GARRE1: variants seen among roughly 807,000 people sequenced by gnomAD.
GARRE1 encodes granule associated Rac and RHOG effector 1.
In GARRE1, 49 loss-of-function variants were observed where a neutral mutation model predicts 103.2. The observed-to-expected ratio is 0.47, with a 90% CI of 0.38 to 0.60. The LOEUF is 0.60. Ranked by LOEUF, GARRE1 falls within the 20% of genes least tolerant of loss-of-function variation. GARRE1 has a pLI of 0.00. For synonymous variants in GARRE1, 505 were observed against 532.8 expected, an observed-to-expected ratio of 0.95 and a Z score of 0.72; for missense variants, 1,199 against 1,370.5, an observed-to-expected ratio of 0.87 and a Z score of 1.98.
At position 34,353,942 on chromosome 19, in the gene GARRE1, C is replaced by T. The variant is rs1460648003; in HGVS notation, c.*987C>T. On this transcript the variant is annotated 3_prime_UTR_variant, in exon 14 of 14. Coordinates refer to ENST00000299505, the MANE Select transcript of GARRE1 (RefSeq NM_014686.5). ...CTTTTCTTAAAAAAAAAATCCACCTCATTTTCAGTTAACATGTGCCATTAA... is the reference window on the plus strand; with the variant it reads ...CTTTTCTTAAAAAAAAAATCCACCTTATTTTCAGTTAACATGTGCCATTAA... 6.6e-6 allele frequency: 1 copy of T among 152,554 alleles called. No individual in the cohort carries two copies. Among genetic ancestry groups the T allele is most frequent in the Non-Finnish European group, 1.5e-5 (1 of 68,036 alleles). 9.5% of individuals were successfully genotyped at this position (152,554 alleles called of 1,614,324 possible).
At chr19:34,315,782 T>C (rs2074057754) in intron 2 of GARRE1, among the ~76,000 whole-genome samples, 1 of 151,830 alleles carries the variant, frequency 6.6e-6, no homozygotes, top group South Asian at 2.1e-4. Context: ...TAAAATCTGT[T>C]TTACAATCTG....
intron 10 of GARRE1, among the ~76,000 whole-genome samples, chr19:34,346,399 A>G (rs2074211119): frequency 6.6e-6 from 1 of 152,068 alleles, no homozygotes; most frequent in Admixed American, 6.6e-5. Flanking sequence ...ATTCTTTGCC[A>G]CACTTAAGAT....
chr19:34,297,518 G>T (rs1007772371), intron 1 of GARRE1, among the ~76,000 whole-genome samples: 2 of 152,164 alleles, frequency 1.3e-5, no homozygotes, highest in Non-Finnish European at 2.9e-5. Flanking sequence ...AGGCAGCCGC[G>T]GTAGAGGAAC....
rs1346907221 is a variant in GARRE1 at position 34,327,859 on chromosome 19, G to A, written c.935G>A (p.Ser312Asn). ...CTGAATCCAAAGGCGATTGAAGCAA[G>A]TTTGCAGGTACACTTTTCCTTCCTA... ...FHLNPKAIEA[S>N]LQGCCSEAEA... Residue 312 changes from serine to asparagine, a missense_variant, in exon 5 of 14, where the codon AGT (serine) becomes AAT (asparagine). Coordinates refer to ENST00000299505, the MANE Select transcript of GARRE1 (RefSeq NM_014686.5). The A allele has an allele frequency of 6.2e-7, 1 of 1,614,084 alleles. No individual in the cohort carries two copies. The highest frequency in any genetic ancestry group is 1.3e-5 in the African/African-American group (1 of 74,946).
In GARRE1 at chr19:34,353,571, T is replaced by C. The variant is rs560428027; in HGVS notation, c.*616T>C. The C allele has an allele frequency of 1.0e-4, 16 of 152,398 alleles. No individual in the cohort carries two copies. Among genetic ancestry groups the C allele is most frequent in the African/African-American group, 3.4e-4 (14 of 41,580 alleles). The allele number at this position is 152,398 out of a possible 1,614,324, so 9.4% of individuals were successfully genotyped here. A position where few individuals can be genotyped will look rare whatever the true frequency, so the allele number is the denominator to read the frequency against. On this transcript the variant is annotated 3_prime_UTR_variant, in exon 14 of 14. Coordinates refer to ENST00000299505, the MANE Select transcript of GARRE1 (RefSeq NM_014686.5). ...TGGGCAAAATATAGAATATTTGTGA[T>C]TGGAAGCAGTCACCTGGGGTTTCTG...
At position 34,256,286 on chromosome 19, in the gene GARRE1, C is replaced by T. The variant is rs904361618; in HGVS notation, c.-796+1672C>T. Among the ~76,000 whole-genome samples, 23 of 151,224 alleles carry T rather than the reference C, an allele frequency of 1.5e-4. No homozygotes were observed. The East Asian group carries it at 3.7e-3, about 25-fold the overall frequency. ...CAGCACTTTGGGAGGCCGAGGCGGG[C>T]GGATCACTTGAGGTCAGGAGTTCTA... On this transcript the variant is annotated intron_variant, in intron 1 of 13. Transcript: ENST00000299505.
At chr19:34,345,723 G>C (rs972472340) in intron 10 of GARRE1, among the ~76,000 whole-genome samples, 1 of 152,264 alleles carries the variant, frequency 6.6e-6, no homozygotes, top group Non-Finnish European at 1.5e-5. Flanking sequence ...TTGGGAGGCT[G>C]AGGCACGAGA....
At chr19:34,282,168 C>T (rs532183971) in intron 1 of GARRE1, among the ~76,000 whole-genome samples, 30 of 152,018 alleles carry the variant, frequency 2.0e-4, no homozygotes, top group African/African-American at 6.5e-4. Flanking sequence ...TTTCTCCCCC[C>T]GAGATGGAGT....
chr19:34,302,117 A>C (rs2073982640), intron 2 of GARRE1, among the ~76,000 whole-genome samples: 1 of 147,598 alleles, frequency 6.8e-6, no homozygotes, highest in Non-Finnish European at 1.5e-5. Flanking sequence ...CAGCCTCCTG[A>C]GTAGCTGGGA....
chr19:34,266,799 A>T (rs926310618), intron 1 of GARRE1, among the ~76,000 whole-genome samples: 7 of 110,206 alleles, frequency 6.4e-5, no homozygotes, highest in Non-Finnish European at 1.4e-4. Context: ...GTTTATCTAA[A>T]ATTTATATAA....
At chr19:34,309,812 A>T (rs540732491) in intron 2 of GARRE1, among the ~76,000 whole-genome samples, 1 of 152,232 alleles carries the variant, frequency 6.6e-6, no homozygotes, top group Non-Finnish European at 1.5e-5. Flanking sequence ...GGCTTTTCGC[A>T]TGTGAAGTGG....
At chr19:34,287,016 G>A (rs2073891143) in intron 1 of GARRE1, among the ~76,000 whole-genome samples, 1 of 151,722 alleles carries the variant, frequency 6.6e-6, no homozygotes, top group Admixed American at 6.6e-5. Context: ...GCGGGCGCCT[G>A]TAGTCCCAGC....
At position 34,341,456 on chromosome 19, in the gene GARRE1, C is replaced by G; in HGVS notation, c.1522C>G (p.Gln508Glu). 1 of 1,613,592 alleles carries G rather than the reference C, an allele frequency of 6.2e-7. No homozygotes were observed. Among genetic ancestry groups the G allele is most frequent in the Non-Finnish European group, 8.5e-7 (1 of 1,179,942 alleles). Residue 508 changes from glutamine to glutamate, a missense_variant, in exon 10 of 14, where the codon CAA becomes GAA. Coordinates refer to ENST00000299505, the MANE Select transcript of GARRE1 (RefSeq NM_014686.5). The stretch of plus-strand genomic sequence containing the variant: ...TTTACCCTGCATACAGATCCAGCTG[C>G]AAAGGGAGATCTGTGATTTTGGCAA... ...QALPCIQIQLQREICDFGNQA... is the reference protein window; with the variant it reads ...QALPCIQIQLEREICDFGNQA...
At chr19:34,344,868 G>A (rs939342386) in intron 10 of GARRE1, among the ~76,000 whole-genome samples, 1 of 146,236 alleles carries the variant, frequency 6.8e-6, no homozygotes, top group Non-Finnish European at 1.5e-5. Flanking sequence ...ACGGAGTCTC[G>A]CTCTACCGCC....
At chr19:34,281,194 C>T (rs142231471) in intron 1 of GARRE1, among the ~76,000 whole-genome samples, 1 of 152,322 alleles carries the variant, frequency 6.6e-6, no homozygotes, top group East Asian at 1.9e-4. Context: ...CATGTTGGCT[C>T]ACTGCAGCCT....
chr19:34,347,982 A>G lies in GARRE1; in HGVS notation c.2627A>G (p.Asn876Ser). The change falls in exon 11 of 14, where the codon AAC (asparagine) becomes AGC (serine). Residue 876 changes from asparagine to serine, a missense_variant. Coordinates refer to ENST00000299505, the MANE Select transcript of GARRE1 (RefSeq NM_014686.5). ...CGCCGGCCAGGCAACCCCCGGGGCA[A>G]CTGGCCGCCTATGGATGACGCGCAT... ...HGRRPGNPRG[N>S]WPPMDDAHRT... The G allele has an allele frequency of 1.3e-6, 2 of 1,583,964 alleles. No individual in the cohort carries two copies. Among genetic ancestry groups the G allele is most frequent in the Non-Finnish European group, 1.7e-6 (2 of 1,163,080 alleles).
chr19:34,317,735 T>A (rs1055150700), intron 2 of GARRE1, among the ~76,000 whole-genome samples: 7 of 152,166 alleles, frequency 4.6e-5, no homozygotes, highest in Admixed American at 2.0e-4. Flanking sequence ...TATGCCTTGA[T>A]CTTGTTGTCT....
At chr19:34,299,173 T>C (rs1448628011) in intron 1 of GARRE1, among the ~76,000 whole-genome samples, 1 of 152,202 alleles carries the variant, frequency 6.6e-6, no homozygotes. Context: ...CCTGTCCCTT[T>C]TGCACTTGTC....
chr19:34,351,676 C>T, intron 13 of GARRE1, 84 bp downstream of exon 13: 1 of 922,760 alleles, frequency 1.1e-6, no homozygotes, highest in Non-Finnish European at 1.7e-6. Flanking sequence ...AATGAGGGAT[C>T]TTCTTTGTGG....
Sources: allele counts gnomAD v4.1 joint callset (sites outside exome capture counted in the v4.1 genomes callset), GRCh38; gene constraint gnomAD v4.1.1; transcripts MANE v1.5; gene names NCBI Gene and HGNC (gene_info 2026-07-23, HGNC 2026-07-21).